The following AGBL4 variants were observed in gnomAD, a reference collection of about 807,000 sequenced individuals.
AGBL4 encodes the protein cytosolic carboxypeptidase 6.
In AGBL4, 58 loss-of-function variants were observed where a neutral mutation model predicts 66.4. That is an observed-to-expected ratio of 0.87 (90% confidence interval 0.71 to 1.09). The LOEUF is 1.09. Ranked by LOEUF, AGBL4 falls within the 50% of genes least tolerant of loss-of-function variation. The pLI, the probability that AGBL4 is intolerant of heterozygous loss-of-function variation, is 0.00. For missense variants in AGBL4, 579 were observed against 631.0 expected (o/e 0.92, Z 0.88); for synonymous variants, 234 against 222.9 (o/e 1.05, Z -0.44).
At chr1:48,598,655 T>C (rs1285202862) in intron 9 of AGBL4, among the ~76,000 whole-genome samples, 1 of 152,112 alleles carries the variant, frequency 6.6e-6, no homozygotes, top group Non-Finnish European at 1.5e-5. Flanking sequence ...TGCACACCTG[T>C]AATCTTAGCT....
chr1:48,678,883 G>A (rs977783786), intron 6 of AGBL4, among the ~76,000 whole-genome samples: 5 of 152,158 alleles, frequency 3.3e-5, no homozygotes, highest in African/African-American at 1.2e-4. Context: ...CCAGCACCAT[G>A]GTTTATTAAC....
At chr1:49,782,886 G>C (rs1416277778) in intron 2 of AGBL4, among the ~76,000 whole-genome samples, 1 of 152,026 alleles carries the variant, frequency 6.6e-6, no homozygotes, top group African/African-American at 2.4e-5. Context: ...CCAGCTTCCA[G>C]AGCCATAAAC....
intron 10 of AGBL4, among the ~76,000 whole-genome samples, chr1:48,588,848 A>AAGAGAAGAGG (rs1644869446): frequency 1.3e-5 from 2 of 151,364 alleles, no homozygotes. Flanking sequence ...AAGAGAAGAG[A>AAGAGAAGAGG]AGAGAAGAGA....
intron 3 of AGBL4, among the ~76,000 whole-genome samples, chr1:49,313,048 CAG>C (rs1160365820): frequency 2.6e-5 from 4 of 151,848 alleles, no homozygotes; most frequent in African/African-American, 9.7e-5. Context: ...CAACAGGCCC[CAG>C]TGTGTGATGT....
At chr1:48,959,891 A>G (rs2148938197) in intron 5 of AGBL4, among the ~76,000 whole-genome samples, 1 of 152,370 alleles carries the variant, frequency 6.6e-6, no homozygotes, top group East Asian at 1.9e-4. Flanking sequence ...TGTAGGCCAC[A>G]GTAAGAAGAC....
At chr1:49,772,217 T>C (rs1313310550) in intron 2 of AGBL4, among the ~76,000 whole-genome samples, 1 of 152,160 alleles carries the variant, frequency 6.6e-6, no homozygotes, top group Non-Finnish European at 1.5e-5. Context: ...TATTTTAAGC[T>C]GATACTGCCT....
At chr1:49,399,558 C>A (rs1463081083) in intron 3 of AGBL4, among the ~76,000 whole-genome samples, 1 of 152,068 alleles carries the variant, frequency 6.6e-6, no homozygotes, top group Non-Finnish European at 1.5e-5. Flanking sequence ...GAGGTGATAT[C>A]TCATTGTAGT....
At chr1:48,752,781 C>T (rs535567561) in intron 6 of AGBL4, among the ~76,000 whole-genome samples, 31 of 152,070 alleles carry the variant, frequency 2.0e-4, no homozygotes, top group African/African-American at 6.3e-4. Flanking sequence ...GACAGAGTCT[C>T]GCTCTGTCGC....
rs139080504 is a variant in AGBL4 at position 48,747,539 on chromosome 1, T to C, written c.635-84298A>G. 5.9e-3 allele frequency among the ~76,000 whole-genome samples: 905 copies of C among 152,314 alleles called. 10 individuals carry two copies. The highest frequency in any genetic ancestry group is 0.02 in the African/African-American group (850 of 41,562). On this transcript the variant is annotated intron_variant, in intron 6 of 13. Transcript: ENST00000371839. ...AGATTTAACATGTGAAACACTATTATATAGCATACAAATAACTCTGATTTA... is the reference window on the plus strand; with the variant it reads ...AGATTTAACATGTGAAACACTATTACATAGCATACAAATAACTCTGATTTA...
chr1:49,390,254 T>C (rs1197156270), intron 3 of AGBL4, among the ~76,000 whole-genome samples: 2 of 152,258 alleles, frequency 1.3e-5, no homozygotes, highest in Non-Finnish European at 1.5e-5. Context: ...CTGTCCACTA[T>C]GCTGTTAAAA....
intron 5 of AGBL4, among the ~76,000 whole-genome samples, chr1:48,890,758 C>T (rs1272086176): frequency 6.6e-6 from 1 of 152,086 alleles, no homozygotes; most frequent in Non-Finnish European, 1.5e-5. Context: ...TGGCAGCATC[C>T]CAGGGTGAGC....
In AGBL4 at chr1:49,929,097, T is replaced by C. The variant is rs368123297; in HGVS notation, c.35-77579A>G. Reference sequence around the variant, plus strand: ...ACCAAATACTACATATTCTCACTTATAAGTGGGAGCTAAGCATTGGGTACA... The same window carrying C: ...ACCAAATACTACATATTCTCACTTACAAGTGGGAGCTAAGCATTGGGTACA... On this transcript the variant is annotated intron_variant, in intron 1 of 13. Transcript: ENST00000371839. 1.4e-3 allele frequency among the ~76,000 whole-genome samples: 210 copies of C among 152,238 alleles called. 1 individual carries two copies. The highest frequency in any genetic ancestry group is 4.7e-3 in the African/African-American group (197 of 41,530).
chr1:48,859,687 A>G (rs1472586209), intron 6 of AGBL4, among the ~76,000 whole-genome samples: 1 of 152,256 alleles, frequency 6.6e-6, no homozygotes, highest in African/African-American at 2.4e-5. Flanking sequence ...ATGTACCAAG[A>G]GTGAATAAGC....
At chr1:48,819,352 A>G (rs1934375) in intron 6 of AGBL4, among the ~76,000 whole-genome samples, 10,621 of 152,218 alleles carry the variant, frequency 0.07, 508 homozygotes, top group East Asian at 0.17. Flanking sequence ...GATTCTGAAG[A>G]GCCTTGAATG....
chr1:48,603,400 T>C (rs148648015), intron 9 of AGBL4, among the ~76,000 whole-genome samples: 447 of 151,664 alleles, frequency 2.9e-3, no homozygotes, highest in Non-Finnish European at 4.8e-3. Context: ...AACCAGGGAG[T>C]CAAAGAATGC....
intron 3 of AGBL4, among the ~76,000 whole-genome samples, chr1:49,496,089 AT>A (rs1647535514): frequency 6.6e-6 from 1 of 152,070 alleles, no homozygotes; most frequent in African/African-American, 2.4e-5. Flanking sequence ...GACTCAGAAG[AT>A]TGAATGGGCT....
At position 49,484,615 on chromosome 1, in the gene AGBL4, G is replaced by A. The variant is rs141659313; in HGVS notation, c.282+212698C>T. Among the ~76,000 whole-genome samples, 437 of 151,964 alleles carry A rather than the reference G, an allele frequency of 2.9e-3. 1 individual carries two copies. Among genetic ancestry groups the A allele is most frequent in the African/African-American group, 0.01 (416 of 41,494 alleles). On this transcript the variant is annotated intron_variant, in intron 3 of 13. Transcript: ENST00000371839. The stretch of plus-strand genomic sequence containing the variant: ...TATCAGAGGCTGGAAAGGGCAGGGC[G>A]GTACAGGGATGGGGTGGGGTTGATT...
chr1:48,615,213 GA>G (rs1184367782), intron 9 of AGBL4, among the ~76,000 whole-genome samples: 1 of 152,182 alleles, frequency 6.6e-6, no homozygotes, highest in Non-Finnish European at 1.5e-5. Flanking sequence ...TTAAGCAAAG[GA>G]ATGTAGAGAG....
chr1:48,724,215 T>C (rs549340399), intron 6 of AGBL4, among the ~76,000 whole-genome samples: 51 of 152,302 alleles, frequency 3.3e-4, no homozygotes, highest in African/African-American at 1.1e-3. Flanking sequence ...ACACTCTCAT[T>C]ACTCCTAATA....
Sources: allele counts gnomAD v4.1 joint callset (sites outside exome capture counted in the v4.1 genomes callset), GRCh38; gene constraint gnomAD v4.1.1; transcripts MANE v1.5; gene names NCBI Gene and HGNC (gene_info 2026-07-23, HGNC 2026-07-21).